LY96: variants seen among roughly 807,000 people sequenced by gnomAD.
The protein encoded by LY96 is myeloid differentiation protein-2.
LY96 carries 18 observed loss-of-function variants against 18.9 expected under a neutral mutation model. The ratio of observed to expected loss-of-function variants is 0.95; its 90% confidence interval spans 0.66 to 1.41. The LOEUF is 1.41. Ranked by LOEUF, LY96 falls within the 40% of genes most tolerant of loss-of-function variation. The pLI, the probability that LY96 is intolerant of heterozygous loss-of-function variation, is 0.00. For synonymous variants in LY96, 66 were observed against 62.6 expected, an observed-to-expected ratio of 1.06 and a Z score of -0.26; for missense variants, 175 against 182.4, an observed-to-expected ratio of 0.96 and a Z score of 0.23.
At chr8:74,028,703 G>T (rs1816918395) in intron 4 of LY96, among the ~76,000 whole-genome samples, 1 of 151,796 alleles carries the variant, frequency 6.6e-6, no homozygotes. Flanking sequence ...TCATTATTTT[G>T]TTATAAACTA....
the LY96 span, among the ~76,000 whole-genome samples, chr8:74,095,791 C>T: frequency 1.3e-5 from 2 of 152,210 alleles, no homozygotes; most frequent in Non-Finnish European, 2.9e-5. Context: ...CTTCCACATG[C>T]TCTTGGAAAT....
the LY96 span, among the ~76,000 whole-genome samples, chr8:74,064,820 CAGA>C: frequency 1.3e-5 from 2 of 152,148 alleles, no homozygotes; most frequent in South Asian, 2.1e-4. Flanking sequence ...ATGTAAATCA[CAGA>C]AGAAGACACA....
At chr8:74,073,648 T>TATTC in the LY96 span, among the ~76,000 whole-genome samples, 15 of 144,106 alleles carry the variant, frequency 1.0e-4, no homozygotes, top group African/African-American at 3.9e-4. Flanking sequence ...TGAATTTATT[T>TATTC]ATTTATTTAT....
At chr8:74,083,966 C>T in the LY96 span, among the ~76,000 whole-genome samples, 12 of 151,958 alleles carry the variant, frequency 7.9e-5, no homozygotes, top group Non-Finnish European at 2.9e-5. Flanking sequence ...AGATTACAGG[C>T]GTGAGCCACT....
At chr8:74,050,529 A>G in the LY96 span, among the ~76,000 whole-genome samples, 1 of 152,154 alleles carries the variant, frequency 6.6e-6, no homozygotes, top group Non-Finnish European at 1.5e-5. Flanking sequence ...TAATATATTT[A>G]ATATGGACAC....
the LY96 span, among the ~76,000 whole-genome samples, chr8:74,038,362 C>G: frequency 1.3e-5 from 2 of 151,820 alleles, no homozygotes; most frequent in African/African-American, 2.4e-5. Flanking sequence ...TTCCCAGCCT[C>G]TGGTAACCAT....
At chr8:74,037,601 C>G in the LY96 span, among the ~76,000 whole-genome samples, 1 of 151,848 alleles carries the variant, frequency 6.6e-6, no homozygotes, top group East Asian at 1.9e-4. Flanking sequence ...CCACTGCACT[C>G]CAGCTGGGGC....
chr8:74,031,823 A>G (rs944678190), downstream of LY96, among the ~76,000 whole-genome samples: 6 of 150,280 alleles, frequency 4.0e-5, no homozygotes, highest in Non-Finnish European at 7.4e-5. Flanking sequence ...AAATGAAGCA[A>G]CCATTAAAAC....
chr8:74,051,755 G>T, the LY96 span, among the ~76,000 whole-genome samples: 1 of 152,162 alleles, frequency 6.6e-6, no homozygotes, highest in East Asian at 1.9e-4. Context: ...GTCTGTGAAC[G>T]AGGTAGTCGG....
chr8:73,996,569 C>T (rs147682258), intron 1 of LY96, among the ~76,000 whole-genome samples: 4 of 152,020 alleles, frequency 2.6e-5, no homozygotes, highest in African/African-American at 7.2e-5. Flanking sequence ...AGCCATGCAT[C>T]ACCATGCCTG....
chr8:74,048,260 T>A, the LY96 span, among the ~76,000 whole-genome samples: 1 of 146,618 alleles, frequency 6.8e-6, no homozygotes, highest in East Asian at 1.9e-4. Flanking sequence ...TTCGTTTAGT[T>A]CTATTTTTTT....
At chr8:74,068,425 A>G in the LY96 span, among the ~76,000 whole-genome samples, 1 of 152,254 alleles carries the variant, frequency 6.6e-6, no homozygotes. Context: ...TAAAGCTGCT[A>G]TGAATACTCA....
At chr8:74,087,479 A>T in the LY96 span, among the ~76,000 whole-genome samples, 7 of 152,194 alleles carry the variant, frequency 4.6e-5, no homozygotes, top group African/African-American at 1.7e-4. Context: ...AGCCGTCAGC[A>T]CTCAGGCTCC....
downstream of LY96, among the ~76,000 whole-genome samples, chr8:74,033,595 A>G (rs1449699811): frequency 6.6e-6 from 1 of 152,214 alleles, no homozygotes; most frequent in Non-Finnish European, 1.5e-5. Flanking sequence ...TAGATTCTGC[A>G]GTGCCTGATA....
chr8:74,001,308 C>T (rs935052155), intron 1 of LY96, among the ~76,000 whole-genome samples: 10 of 151,608 alleles, frequency 6.6e-5, no homozygotes, highest in Admixed American at 3.9e-4. Flanking sequence ...ACTGCAACCT[C>T]CACCTCCTGG....
chr8:74,072,696 C>T, the LY96 span, among the ~76,000 whole-genome samples: 1 of 151,072 alleles, frequency 6.6e-6, no homozygotes, highest in Non-Finnish European at 1.5e-5. Context: ...TTTCTCTTAA[C>T]CTATGAAACA....
the LY96 span, among the ~76,000 whole-genome samples, chr8:74,071,120 C>A: frequency 6.6e-6 from 1 of 152,128 alleles, no homozygotes; most frequent in East Asian, 1.9e-4. Context: ...GGTGTCAGAG[C>A]CAGGCAGCTG....
At chr8:74,081,051 TC>T in the LY96 span, among the ~76,000 whole-genome samples, 6 of 130,104 alleles carry the variant, frequency 4.6e-5, no homozygotes, top group Admixed American at 1.6e-4. Context: ...TCTTTCTTTT[TC>T]TTTCTTTCTT....
intron 1 of LY96, among the ~76,000 whole-genome samples, chr8:73,997,181 T>A (rs1157721859): frequency 1.3e-5 from 2 of 152,308 alleles, no homozygotes; most frequent in East Asian, 3.9e-4. Flanking sequence ...GTCTAAGTCT[T>A]CTCCATCTCA....
Sources: allele counts gnomAD v4.1 joint callset (sites outside exome capture counted in the v4.1 genomes callset), GRCh38; gene constraint gnomAD v4.1.1; transcripts MANE v1.5; gene names NCBI Gene and HGNC (gene_info 2026-07-23, HGNC 2026-07-21).